ZFP1: variants seen among roughly 807,000 people sequenced by gnomAD.
The protein encoded by ZFP1 is zinc finger protein 1 homolog.
Under a neutral mutation model 38.5 loss-of-function variants are expected in ZFP1, and 32 were observed. That is an observed-to-expected ratio of 0.83 (90% CI 0.63 to 1.12). ZFP1 has a LOEUF of 1.12. Among genes scored for constraint, ZFP1 ranks in the 50% most tolerant of loss-of-function variants. The pLI, the probability that ZFP1 is intolerant of heterozygous loss-of-function variation, is 0.00. For missense variants in ZFP1, 616 were observed against 480.8 expected (o/e 1.28, Z -2.63); for synonymous variants, 245 against 168.8 (o/e 1.45, Z -3.50).
At chr16:75,135,885 G>T in the ZFP1 span, among the ~76,000 whole-genome samples, 1 of 152,184 alleles carries the variant, frequency 6.6e-6, no homozygotes, top group Non-Finnish European at 1.5e-5. Flanking sequence ...CCCAATCTTG[G>T]CTCACTGCAA....
Position 75,171,723 on chromosome 16 carries a change from G to C in ZFP1, c.*1389G>C, listed in dbSNP as rs1217260555. The C allele has an allele frequency of 1.3e-5, 2 of 152,134 alleles. No individual in the cohort carries two copies. The highest frequency in any genetic ancestry group is 4.8e-5 in the African/African-American group (2 of 41,440). The allele number at this position is 152,134 out of a possible 1,614,324, so 9.4% of individuals were successfully genotyped here. A position where few individuals can be genotyped will look rare whatever the true frequency, so the allele number is the denominator to read the frequency against. On this transcript the variant is annotated 3_prime_UTR_variant, in exon 4 of 4. Coordinates refer to ENST00000570010, the MANE Select transcript of ZFP1 (RefSeq NM_153688.4). ...AAATATTTTTGGATATCATTGATGT[G>C]CTGTCACACTATATATTGAGTGACT...
rs548796016 is a variant in ZFP1, at chr16:75,151,724, T to G, written c.-43-1185T>G. 3.9e-4 allele frequency among the ~76,000 whole-genome samples: 59 copies of G among 152,294 alleles called. 2 individuals are homozygous for G. In the South Asian group the frequency reaches 8.3e-3, roughly 21 times the overall value. On this transcript the variant is annotated intron_variant, in intron 1 of 3. Transcript: ENST00000570010. ...TGCTTTAGATAATCTTTCACAGTGA[T>G]TAAAAGCAAGAAAAAGTATCTATTG...
intron 2 of ZFP1, among the ~76,000 whole-genome samples, chr16:75,156,119 A>G (rs979830293): frequency 1.3e-5 from 2 of 152,218 alleles, no homozygotes; most frequent in Admixed American, 1.3e-4. Flanking sequence ...TGGCAACACC[A>G]AGCAAATTTA....
At chr16:75,134,291 A>G in the ZFP1 span, among the ~76,000 whole-genome samples, 2 of 152,304 alleles carry the variant, frequency 1.3e-5, 1 homozygote, top group South Asian at 4.1e-4. Flanking sequence ...TTTAATTCTA[A>G]TTGGAATTTT....
chr16:75,146,141 C>G (rs1350041621), upstream of ZFP1, among the ~76,000 whole-genome samples: 1 of 151,768 alleles, frequency 6.6e-6, no homozygotes, highest in African/African-American at 2.4e-5. Context: ...ACTGTTACCA[C>G]ACAATCCAGC....
chr16:75,168,259 C>CAACA (rs1362580738), intron 3 of ZFP1, among the ~76,000 whole-genome samples: 2 of 152,174 alleles, frequency 1.3e-5, no homozygotes, highest in African/African-American at 2.4e-5. Flanking sequence ...AAATTCCCAC[C>CAACA]AACAGTGTAT....
the ZFP1 span, among the ~76,000 whole-genome samples, chr16:75,120,068 A>AT: frequency 2.0e-5 from 3 of 152,208 alleles, no homozygotes; most frequent in Non-Finnish European, 4.4e-5. Context: ...ATTTTAAAAG[A>AT]TTTTTTTAAA....
chr16:75,169,207 G>A, intron 3 of ZFP1, 46 bp from the exon 4 acceptor site: 1 of 1,550,894 alleles, frequency 6.4e-7, no homozygotes, highest in Non-Finnish European at 8.7e-7. Context: ...TAACATTATA[G>A]CGGAGGCATT....
chr16:75,140,342 G>A, the ZFP1 span, among the ~76,000 whole-genome samples: 1 of 151,920 alleles, frequency 6.6e-6, no homozygotes, highest in Non-Finnish European at 1.5e-5. Context: ...ACTGAGACAG[G>A]AGGACCACTT....
At chr16:75,129,460 C>G in the ZFP1 span, among the ~76,000 whole-genome samples, 2 of 152,180 alleles carry the variant, frequency 1.3e-5, no homozygotes, top group Non-Finnish European at 2.9e-5. Context: ...TTAGGGCAAA[C>G]CTGCCTCCCA....
chr16:75,169,778 A>T lies in ZFP1; in HGVS notation c.668A>T (p.His223Leu). The change falls in exon 4 of 4, where the codon CAT becomes CTT. Residue 223 changes from histidine (H) to leucine (L), a missense_variant. His to Leu is a moderately conservative substitution (Grantham distance 99, BLOSUM62 -3). Coordinates refer to ENST00000570010, the MANE Select transcript of ZFP1 (RefSeq NM_153688.4). Reference sequence around the variant, plus strand: ...AATGTATGTAAGAAAACCTTCTCCCATAAGGCCAACCTCATCAAACATCAG... The same window carrying T: ...AATGTATGTAAGAAAACCTTCTCCCTTAAGGCCAACCTCATCAAACATCAG... ...ECNVCKKTFS[H>L]KANLIKHQRI... 1 of 1,613,864 alleles carries T rather than the reference A, an allele frequency of 6.2e-7. No homozygotes were observed. The highest frequency in any genetic ancestry group is 2.2e-5 in the East Asian group (1 of 44,878).
rs113163023 is a variant in ZFP1, at chr16:75,158,904, T to G, written c.15+5938T>G. Among the ~76,000 whole-genome samples, 30 of 138,324 alleles carry G rather than the reference T, an allele frequency of 2.2e-4. No homozygotes were observed. In the South Asian group the frequency reaches 3.9e-3, roughly 18 times the overall value. 90.7% of individuals were successfully genotyped at this position (138,324 alleles called of 152,430 possible). On this transcript the variant is annotated intron_variant, in intron 2 of 3. Coordinates refer to ENST00000570010, the MANE Select transcript of ZFP1 (RefSeq NM_153688.4). ...TTATCTCTTGATTGTTTTTGTCTTG[T>G]CTTTTTTTTTTTTTTTTTGAGACAG...
At chr16:75,121,571 A>C in the ZFP1 span, among the ~76,000 whole-genome samples, 1 of 152,192 alleles carries the variant, frequency 6.6e-6, no homozygotes, top group South Asian at 2.1e-4. Context: ...ACATAAGGCT[A>C]GTTAGCTGAC....
intron 2 of ZFP1, among the ~76,000 whole-genome samples, chr16:75,160,676 GGAA>G (rs2037726177): frequency 6.7e-6 from 1 of 149,180 alleles, no homozygotes; most frequent in African/African-American, 2.5e-5. Flanking sequence ...AAAAAAAAAA[GGAA>G]GAAATTTATT....
In ZFP1 at chr16:75,170,172, T is replaced by C. The variant is rs756825097; in HGVS notation, c.1062T>C (p.Cys354=). ...RTHTGEKPYE[C]TECGKTFSQR... is the part of the protein sequence containing the mutation. ...ATACAGGAGAGAAACCCTATGAATG[T>C]ACTGAGTGCGGCAAAACTTTCAGCC... Residue 354 remains cysteine, a synonymous_variant, in exon 4 of 4, where the codon TGT becomes TGC. Coordinates refer to ENST00000570010, the MANE Select transcript of ZFP1 (RefSeq NM_153688.4). 3 of 1,614,082 alleles carry C rather than the reference T, an allele frequency of 1.9e-6. No individual in the cohort carries two copies. Among genetic ancestry groups the C allele is most frequent in the Non-Finnish European group, 2.5e-6 (3 of 1,180,044 alleles).
intron 2 of ZFP1, among the ~76,000 whole-genome samples, chr16:75,163,071 G>A (rs969990589): frequency 3.3e-5 from 5 of 151,792 alleles, no homozygotes; most frequent in Admixed American, 6.6e-5. Flanking sequence ...CACCACGTCC[G>A]GCTAATTTTT....
chr16:75,123,473 A>C, the ZFP1 span, among the ~76,000 whole-genome samples: 1 of 115,774 alleles, frequency 8.6e-6, no homozygotes, highest in Non-Finnish European at 1.7e-5. Context: ...ATATATATAT[A>C]TATATATATA....
chr16:75,119,318 G>A, the ZFP1 span, among the ~76,000 whole-genome samples: 5 of 152,106 alleles, frequency 3.3e-5, no homozygotes, highest in Non-Finnish European at 5.9e-5. Context: ...ATTTGCTGAG[G>A]CCCGGAAGCA....
chr16:75,120,816 CG>C, the ZFP1 span, among the ~76,000 whole-genome samples: 17 of 151,518 alleles, frequency 1.1e-4, no homozygotes, highest in Admixed American at 1.1e-3. Flanking sequence ...TTAGTAGAGA[CG>C]GGTTTCACCG....
Sources: gnomAD v4.1 joint callset for allele counts (sites outside exome capture counted in the v4.1 genomes callset) on GRCh38, gnomAD v4.1.1 for gene constraint, MANE v1.5 for transcripts, NCBI Gene and HGNC (gene_info 2026-07-23, HGNC 2026-07-21) for gene names.